The following ADAM10 variants were observed in gnomAD, a reference collection of about 807,000 sequenced individuals.
The protein encoded by ADAM10 is disintegrin and metalloproteinase domain-containing protein 10.
A neutral mutation model predicts 90.1 loss-of-function variants in ADAM10; 17 were observed. The observed-to-expected ratio is 0.19, with a 90% CI of 0.13 to 0.28. The LOEUF (loss-of-function observed/expected upper bound fraction) is 0.28. Ranked by LOEUF, ADAM10 falls within the 10% of genes least tolerant of loss-of-function variation. The pLI is 1.00. For missense variants in ADAM10, 610 were observed against 914.3 expected, an observed-to-expected ratio of 0.67 and a Z score of 4.29; for synonymous variants, 310 against 298.6, an observed-to-expected ratio of 1.04 and a Z score of -0.40.
At chr15:58,611,381 G>T (rs1210861045) in intron 12 of ADAM10, 1 of 417,344 alleles carries the variant, frequency 2.4e-6, no homozygotes. Flanking sequence ...GATGAGGATC[G>T]ATTTTATGTT....
intron 2 of ADAM10, among the ~76,000 whole-genome samples, chr15:58,698,110 G>A (rs1898026181): frequency 1.3e-5 from 2 of 151,890 alleles, no homozygotes. Flanking sequence ...ACATGATAAA[G>A]CAAGGAAATA....
intron 11 of ADAM10, among the ~76,000 whole-genome samples, chr15:58,615,131 G>A (rs576646925): frequency 1.0e-3 from 152 of 152,010 alleles, no homozygotes; most frequent in Middle Eastern, 3.4e-3. Flanking sequence ...AAAATTAGCC[G>A]GGCGTGGTGG....
At chr15:58,665,017 G>T in intron 5 of ADAM10, 80 bp downstream of exon 5, 1 of 1,135,124 alleles carries the variant, frequency 8.8e-7, no homozygotes, top group Non-Finnish European at 1.3e-6. Flanking sequence ...AGAAATCCTA[G>T]AACATATATT....
chr15:58,742,447 T>C (rs1899646473), intron 1 of ADAM10, among the ~76,000 whole-genome samples: 1 of 152,318 alleles, frequency 6.6e-6, no homozygotes, highest in South Asian at 2.1e-4. Flanking sequence ...CAACATTACA[T>C]ACATTTTCGA....
At chr15:58,664,593 TG>T (rs566244799) in intron 5 of ADAM10, among the ~76,000 whole-genome samples, 75 of 152,090 alleles carry the variant, frequency 4.9e-4, no homozygotes, top group African/African-American at 1.7e-3. Context: ...AAAGAAAAAA[TG>T]TTTTCTCATT....
chr15:58,682,321 A>G lies in ADAM10; in HGVS notation c.207-7T>C. The stretch of plus-strand genomic sequence containing the variant: ...CATTCGTAGGTTGAAATGTCTGTAA[A>G]ATGGGATGGGAAGGGGGAACAACTG... On this transcript the variant is annotated splice_region_variant and splice_polypyrimidine_tract_variant and intron_variant, in intron 2 of 15. Transcript: ENST00000260408. 6.2e-7 allele frequency: 1 copy of G among 1,610,714 alleles called. No individual in the cohort carries two copies.
At position 58,592,731 on chromosome 15, in the gene ADAM10, C is replaced by T. The variant is rs59544406; in HGVS notation, c.*4816G>A. The T allele has an allele frequency of 6.7e-6, 1 of 148,672 alleles. No individual in the cohort carries two copies. The highest frequency in any genetic ancestry group is 2.0e-4 in the East Asian group (1 of 5,056). The allele number at this position is 148,672 out of a possible 1,614,324, so 9.2% of individuals were successfully genotyped here. On this transcript the variant is annotated 3_prime_UTR_variant, in exon 16 of 16. Transcript: ENST00000260408. ...CATGTGGCTGCATATATGTGGATTTCTAAGGATGGGACTCTGATTTAATAT... is the reference window on the plus strand; with the variant it reads ...CATGTGGCTGCATATATGTGGATTTTTAAGGATGGGACTCTGATTTAATAT...
chr15:58,679,840 G>A (rs1421469804), intron 3 of ADAM10, among the ~76,000 whole-genome samples: 8 of 152,096 alleles, frequency 5.3e-5, no homozygotes, highest in South Asian at 4.1e-4. Flanking sequence ...CCCTGGAGGC[G>A]GAGGTTGCTG....
intron 1 of ADAM10, among the ~76,000 whole-genome samples, chr15:58,742,355 G>A (rs751414942): frequency 6.6e-6 from 1 of 152,144 alleles, no homozygotes; most frequent in Non-Finnish European, 1.5e-5. Flanking sequence ...CTTAAATGGG[G>A]TTACAGTTTC....
chr15:58,713,927 C>G (rs1470932240), intron 2 of ADAM10, among the ~76,000 whole-genome samples: 1 of 151,898 alleles, frequency 6.6e-6, no homozygotes, highest in Non-Finnish European at 1.5e-5. Flanking sequence ...ATTGTCATGC[C>G]TCAGCCTCTT....
intron 9 of ADAM10, among the ~76,000 whole-genome samples, chr15:58,631,519 G>C (rs1343548529): frequency 6.6e-6 from 1 of 152,184 alleles, no homozygotes; most frequent in East Asian, 1.9e-4. Context: ...ACCAGCAGCA[G>C]CAGCAGCAGC....
chr15:58,614,055 C>T (rs1238167936), intron 11 of ADAM10, among the ~76,000 whole-genome samples: 3 of 152,168 alleles, frequency 2.0e-5, no homozygotes, highest in Non-Finnish European at 4.4e-5. Context: ...CACCTGTAAT[C>T]CCAACACTTT....
chr15:58,648,072 C>A lies in ADAM10; in HGVS notation c.586-1868G>T, dbSNP rs1192629580. On this transcript the variant is annotated intron_variant, in intron 5 of 15. Transcript: ENST00000260408. ...AAAAATTTGTATTATATGCCAAACA[C>A]ACAAAAAAGGGTAACTATGTGAAAT... 2.6e-5 allele frequency among the ~76,000 whole-genome samples: 4 copies of A among 152,108 alleles called. No homozygotes were observed. The East Asian group carries it at 7.7e-4, about 29-fold the overall frequency.
At chr15:58,673,896 G>A (rs571088440) in intron 4 of ADAM10, among the ~76,000 whole-genome samples, 7 of 151,970 alleles carry the variant, frequency 4.6e-5, no homozygotes, top group African/African-American at 1.2e-4. Flanking sequence ...CACCACGCCC[G>A]GCTAACTTTT....
At chr15:58,604,557 T>C (rs181937555) in intron 14 of ADAM10, among the ~76,000 whole-genome samples, 154 of 152,210 alleles carry the variant, frequency 1.0e-3, no homozygotes, top group African/African-American at 3.5e-3. Flanking sequence ...ACAAACAAAA[T>C]ACCTGTTGAA....
intron 5 of ADAM10, among the ~76,000 whole-genome samples, chr15:58,648,205 A>G (rs1311053036): frequency 2.0e-5 from 3 of 152,354 alleles, no homozygotes; most frequent in Non-Finnish European, 4.4e-5. Context: ...CTTATTTTTA[A>G]AACAATTTGT....
At chr15:58,727,011 C>T (rs1202386331) in intron 1 of ADAM10, among the ~76,000 whole-genome samples, 1 of 151,352 alleles carries the variant, frequency 6.6e-6, no homozygotes, top group Non-Finnish European at 1.5e-5. Flanking sequence ...TGTCATTTCG[C>T]TTTTTGATTT....
At chr15:58,667,748 G>C (rs1161880986) in intron 4 of ADAM10, among the ~76,000 whole-genome samples, 1 of 151,680 alleles carries the variant, frequency 6.6e-6, no homozygotes. Context: ...GAGAGTAGAA[G>C]AAAGGATAGG....
chr15:58,713,093 T>G lies in ADAM10; in HGVS notation c.206+4484A>C, dbSNP rs1898529348. ...TTCCTAGTATCTATGTACTTAAATG[T>G]TTTGTTGGTGGTGTTTTGTTTGTTG... On this transcript the variant is annotated intron_variant, in intron 2 of 15. Transcript: ENST00000260408. Among the ~76,000 whole-genome samples, 3 of 152,202 alleles carry G rather than the reference T, an allele frequency of 2.0e-5. No individual in the cohort carries two copies. The South Asian group carries it at 6.2e-4, about 32-fold the overall frequency.
Sources: allele counts gnomAD v4.1 joint callset (sites outside exome capture counted in the v4.1 genomes callset), GRCh38; gene constraint gnomAD v4.1.1; transcripts MANE v1.5; gene names NCBI Gene and HGNC (gene_info 2026-07-23, HGNC 2026-07-21).